AFF2: variants seen among roughly 807,000 people sequenced by gnomAD.
AFF2 encodes the protein ALF transcription elongation factor 2, also known as AF4/FMR2 family member 2.
Under a neutral mutation model 76.9 loss-of-function variants are expected in AFF2, and 14 were observed. The observed-to-expected ratio is 0.18, with a 90% confidence interval of 0.12 to 0.28. The LOEUF (loss-of-function observed/expected upper bound fraction) is 0.28, where lower values mean the gene tolerates loss of function less well. Ranked by LOEUF, AFF2 falls within the 10% of genes least tolerant of loss-of-function variation. AFF2 has a pLI of 1.00. For synonymous variants in AFF2, 398 were observed against 366.7 expected (o/e 1.09, Z -0.98); for missense variants, 868 against 1,001.1 (o/e 0.87, Z 1.79).
At chrX:148,622,774 C>T (rs2053882515) in intron 1 of AFF2, among the ~76,000 whole-genome samples, 1 of 111,779 alleles carries the variant, frequency 8.9e-6, no homozygotes, top group Non-Finnish European at 1.9e-5. Context: ...CCCAGGCCAA[C>T]CTGTGCCAGA....
At chrX:148,713,665 G>A (rs1399896438) in intron 3 of AFF2, among the ~76,000 whole-genome samples, 1 of 111,573 alleles carries the variant, frequency 9.0e-6, no homozygotes, top group Non-Finnish European at 1.9e-5. Context: ...CTATCCATTG[G>A]CAGGAATAAA....
rs1051470032 is a variant in AFF2 at position 148,987,982 on chromosome X, C to T, written c.3814+425C>T. 4.5e-5 allele frequency among the ~76,000 whole-genome samples: 5 copies of T among 111,990 alleles called. No individual in the cohort carries two copies. In the South Asian group the frequency reaches 1.9e-3, roughly 42 times the overall value. ...TAATTATTAGCTCCAGTTGAGTACA[C>T]GATAACGCAGCTTGCATTTGGAAGC... On this transcript the variant is annotated intron_variant, in intron 20 of 20. Transcript: ENST00000370460.
chrX:148,952,269 G>A (rs1401494053), intron 9 of AFF2, among the ~76,000 whole-genome samples: 1 of 111,791 alleles, frequency 8.9e-6, no homozygotes, highest in Non-Finnish European at 1.9e-5. Flanking sequence ...GAATTCTTGC[G>A]GATCCTCTTT....
chrX:148,554,906 A>G (rs1476068940), intron 1 of AFF2, among the ~76,000 whole-genome samples: 1 of 112,485 alleles, frequency 8.9e-6, no homozygotes, highest in Non-Finnish European at 1.9e-5. Context: ...TGGCTATTCC[A>G]GGCTCCTCCC....
intron 1 of AFF2, among the ~76,000 whole-genome samples, chrX:148,627,512 A>G (rs2053938551): frequency 8.9e-6 from 1 of 112,028 alleles, no homozygotes; most frequent in Non-Finnish European, 1.9e-5. Context: ...TTGGCCTGGG[A>G]AAGACTGAAC....
intron 3 of AFF2, among the ~76,000 whole-genome samples, chrX:148,682,107 A>G (rs371940897): frequency 6.3e-5 from 7 of 111,681 alleles, no homozygotes; most frequent in East Asian, 5.6e-4. Flanking sequence ...ATCAAAAGTT[A>G]CTCAGCTGGT....
chrX:148,723,036 A>G (rs782615375), intron 3 of AFF2, among the ~76,000 whole-genome samples: 131 of 111,243 alleles, frequency 1.2e-3, no homozygotes, highest in Non-Finnish European at 2.6e-4. Flanking sequence ...CTACCTTGTC[A>G]TATAGCACAG....
At chrX:148,916,784 T>G (rs1222468987) in intron 9 of AFF2, among the ~76,000 whole-genome samples, 1 of 111,807 alleles carries the variant, frequency 8.9e-6, no homozygotes, top group African/African-American at 3.3e-5. Context: ...TCTCTCTCAC[T>G]CTGTCCCTTT....
At chrX:148,535,331 G>A (rs1202517721) in intron 1 of AFF2, among the ~76,000 whole-genome samples, 1 of 111,376 alleles carries the variant, frequency 9.0e-6, no homozygotes, top group East Asian at 2.8e-4. Flanking sequence ...TTTGGTATTA[G>A]TATGGCCCAA....
At chrX:148,722,971 G>C (rs1187534456) in intron 3 of AFF2, among the ~76,000 whole-genome samples, 1 of 111,148 alleles carries the variant, frequency 9.0e-6, no homozygotes, top group Admixed American at 9.6e-5. Flanking sequence ...TGTCTAGTCT[G>C]AGATAGGTTC....
intron 1 of AFF2, among the ~76,000 whole-genome samples, chrX:148,513,618 CAG>C (rs1183291521): frequency 9.0e-6 from 1 of 111,672 alleles, no homozygotes; most frequent in Admixed American, 9.6e-5. Context: ...AGAAAGTTCT[CAG>C]AACTTCATGG....
At chrX:148,569,525 T>A (rs1436413709) in intron 1 of AFF2, among the ~76,000 whole-genome samples, 2 of 111,691 alleles carry the variant, frequency 1.8e-5, no homozygotes, top group Non-Finnish European at 3.8e-5. Context: ...TATTTCAGTT[T>A]TTTCCCCTGG....
intron 8 of AFF2, among the ~76,000 whole-genome samples, chrX:148,895,980 G>T (rs782149652): frequency 9.0e-6 from 1 of 111,495 alleles, no homozygotes; most frequent in African/African-American, 3.3e-5. Context: ...TGAGCCACGA[G>T]CCTGCCTGGT....
chrX:148,652,296 A>G (rs1002709403), intron 2 of AFF2, among the ~76,000 whole-genome samples, 165 bp downstream of exon 2: 1 of 112,142 alleles, frequency 8.9e-6, no homozygotes, highest in African/African-American at 3.2e-5. Flanking sequence ...GTTTCTGACG[A>G]AGTCTTCAGA....
intron 3 of AFF2, among the ~76,000 whole-genome samples, chrX:148,761,378 G>T (rs1459980767): frequency 9.1e-6 from 1 of 110,205 alleles, no homozygotes; most frequent in African/African-American, 3.3e-5. Context: ...TAGGCCTGTG[G>T]GTGTATATGG....
intron 3 of AFF2, among the ~76,000 whole-genome samples, chrX:148,702,525 G>T (rs889294453): frequency 9.0e-6 from 1 of 111,492 alleles, no homozygotes; most frequent in Non-Finnish European, 1.9e-5. Flanking sequence ...CTTCAGTGCC[G>T]CAATCAGGCA....
chrX:148,757,348 T>C (rs781913072), intron 3 of AFF2, among the ~76,000 whole-genome samples: 1 of 111,912 alleles, frequency 8.9e-6, no homozygotes, highest in South Asian at 3.7e-4. Flanking sequence ...ACTGCGATTT[T>C]AGAGGAACAA....
chrX:148,963,419 G>A (rs1473414577), intron 13 of AFF2, among the ~76,000 whole-genome samples: 1 of 111,740 alleles, frequency 8.9e-6, no homozygotes, highest in Non-Finnish European at 1.9e-5. Flanking sequence ...CTTAACTCTT[G>A]TATAGTGCTA....
At chrX:148,546,537 G>A (rs1169534162) in intron 1 of AFF2, among the ~76,000 whole-genome samples, 1 of 112,404 alleles carries the variant, frequency 8.9e-6, no homozygotes, top group Non-Finnish European at 1.9e-5. Context: ...GATTATGTAT[G>A]AAGAACACAA....
Sources: gnomAD v4.1 joint callset for allele counts (sites outside exome capture counted in the v4.1 genomes callset) on GRCh38, gnomAD v4.1.1 for gene constraint, MANE v1.5 for transcripts, NCBI Gene and HGNC (gene_info 2026-07-23, HGNC 2026-07-21) for gene names.